Variants in GSG1L observed in about 807,000 individuals in gnomAD.
GSG1L encodes the protein GSG1 like, also known as germ cell-specific gene 1-like protein.
A neutral mutation model predicts 42.1 loss-of-function variants in GSG1L; 24 were observed. That is an observed-to-expected ratio of 0.57 (90% confidence interval 0.41 to 0.80). The LOEUF is 0.80. GSG1L is among the 30% of genes least tolerant of loss of function. The pLI is 0.00. For missense variants in GSG1L, 445 were observed against 472.2 expected (o/e 0.94, Z 0.53); for synonymous variants, 215 against 203.5 (o/e 1.06, Z -0.48).
Position 27,989,063 on chromosome 16 carries a change from A to G in GSG1L, c.350-25860T>C, listed in dbSNP as rs186392183. Among the ~76,000 whole-genome samples the G allele has an allele frequency of 1.0e-3, 154 of 151,796 alleles. 2 individuals carry two copies. In the East Asian group the frequency reaches 0.028, roughly 27 times the overall value. On this transcript the variant is annotated intron_variant, in intron 1 of 6. Coordinates refer to ENST00000447459, the MANE Select transcript of GSG1L (RefSeq NM_001109763.2). ...GCAAGACTCTGTCTCAAAAAAAAAA[A>G]AAAAGAAAAGAAAAAAAGAAAAAGA...
At chr16:27,900,451 C>T (rs1048997551) in intron 2 of GSG1L, among the ~76,000 whole-genome samples, 1 of 152,190 alleles carries the variant, frequency 6.6e-6, no homozygotes, top group Non-Finnish European at 1.5e-5. Context: ...CAGCCCAGCT[C>T]CCATGGCACG....
chr16:27,833,097 T>G lies in GSG1L; in HGVS notation c.663-4141A>C, dbSNP rs140366996. Among the ~76,000 whole-genome samples, 491 of 152,366 alleles carry G rather than the reference T, an allele frequency of 3.2e-3. 1 individual carries two copies. The highest frequency in any genetic ancestry group is 5.2e-3 in the Non-Finnish European group (354 of 68,032). On this transcript the variant is annotated intron_variant, in intron 4 of 6. Transcript: ENST00000447459. Reference sequence around the variant, plus strand: ...GTTTTACAGTTTTACATTTTATACTTAAATCTGTGATCCATTTTAAATTAA... The same window carrying G: ...GTTTTACAGTTTTACATTTTATACTGAAATCTGTGATCCATTTTAAATTAA...
chr16:27,828,061 T>C (rs1033262431), intron 5 of GSG1L, among the ~76,000 whole-genome samples: 14 of 145,994 alleles, frequency 9.6e-5, no homozygotes, highest in Admixed American at 6.7e-5. Context: ...CATCCATCCA[T>C]CCATCCATCC....
intron 4 of GSG1L, among the ~76,000 whole-genome samples, chr16:27,843,890 AG>A (rs1186986159): frequency 6.6e-6 from 1 of 152,194 alleles, no homozygotes; most frequent in Non-Finnish European, 1.5e-5. Flanking sequence ...TTGGGACTCT[AG>A]TCAATCTTGG....
chr16:27,932,517 AGGAGATGCCACACAACC>A (rs1006990722), intron 2 of GSG1L, among the ~76,000 whole-genome samples: 1 of 152,188 alleles, frequency 6.6e-6, no homozygotes, highest in East Asian at 1.9e-4. Context: ...AGAGAAAGGT[AGGAGATGCCACACAACC>A]GGATCTCACT....
At chr16:27,927,404 C>T (rs143928321) in intron 2 of GSG1L, among the ~76,000 whole-genome samples, 4 of 152,206 alleles carry the variant, frequency 2.6e-5, no homozygotes, top group South Asian at 2.1e-4. Flanking sequence ...TGCCACCTCT[C>T]GCCGGAATCC....
In GSG1L at chr16:27,943,566, C is replaced by CTTTTTTTTTTTTTTTTTTTTT. The variant is rs11385465; in HGVS notation, c.397+19569_397+19589dup. ...GCTAACATTTTCTTTTTCTTTGTTT[C>CTTTTTTTTTTTTTTTTTTTTT]TTTTTTTTTTTTTTTTTTTTTTTTT... On this transcript the variant is annotated intron_variant, in intron 2 of 6. Transcript: ENST00000447459. Among the ~76,000 whole-genome samples the CTTTTTTTTTTTTTTTTTTTTT allele has an allele frequency of 7.4e-5, 5 of 67,720 alleles. 1 individual carries two copies. The highest frequency in any genetic ancestry group is 2.4e-4 in the Admixed American group (1 of 4,190). The allele number at this position is 67,720 out of a possible 152,430, so 44.4% of individuals were successfully genotyped here.
intron 4 of GSG1L, among the ~76,000 whole-genome samples, chr16:27,835,342 C>A (rs2083311906): frequency 6.6e-6 from 1 of 152,110 alleles, no homozygotes; most frequent in South Asian, 2.1e-4. Context: ...TTAATGCTTA[C>A]ATGATAGATG....
chr16:27,951,509 G>A (rs1260930149), intron 2 of GSG1L, among the ~76,000 whole-genome samples: 1 of 152,196 alleles, frequency 6.6e-6, no homozygotes, highest in African/African-American at 2.4e-5. Context: ...GGATGAAGGA[G>A]GGCTTTGTGG....
chr16:27,810,277 G>C (rs536645758), intron 5 of GSG1L, among the ~76,000 whole-genome samples: 1 of 152,070 alleles, frequency 6.6e-6, no homozygotes, highest in Non-Finnish European at 1.5e-5. Context: ...CCAGGAGTTC[G>C]AGACCAGCCT....
intron 2 of GSG1L, among the ~76,000 whole-genome samples, chr16:27,939,828 A>AT (rs917614393): frequency 1.3e-5 from 2 of 151,906 alleles, no homozygotes; most frequent in South Asian, 2.1e-4. Flanking sequence ...TGCCAGGCTA[A>AT]TTTTTTTTAT....
At chr16:27,896,161 A>T (rs1038690573) in intron 2 of GSG1L, among the ~76,000 whole-genome samples, 3 of 152,294 alleles carry the variant, frequency 2.0e-5, no homozygotes, top group Non-Finnish European at 4.4e-5. Context: ...GGCATGCTGG[A>T]GGCGTGCGGG....
At chr16:27,856,178 C>T (rs1276895059) in intron 3 of GSG1L, among the ~76,000 whole-genome samples, 2 of 152,086 alleles carry the variant, frequency 1.3e-5, no homozygotes, top group Non-Finnish European at 2.9e-5. Context: ...TCCCCACATA[C>T]CCCAGTCATA....
At chr16:28,002,519 G>A (rs758251938) in intron 1 of GSG1L, among the ~76,000 whole-genome samples, 18 of 152,184 alleles carry the variant, frequency 1.2e-4, no homozygotes, top group Non-Finnish European at 2.4e-4. Flanking sequence ...TACTCAGGAG[G>A]CTAAGGCAGG....
chr16:27,889,304 G>A (rs1043556072), intron 2 of GSG1L, among the ~76,000 whole-genome samples: 1 of 152,106 alleles, frequency 6.6e-6, no homozygotes, highest in Non-Finnish European at 1.5e-5. Flanking sequence ...CAGCTAGATT[G>A]CTAGATTTAT....
At chr16:27,961,408 G>C (rs1195144733) in intron 2 of GSG1L, among the ~76,000 whole-genome samples, 1 of 152,218 alleles carries the variant, frequency 6.6e-6, no homozygotes, top group African/African-American at 2.4e-5. Flanking sequence ...ATCCCAGAGG[G>C]CTGCACATCC....
At chr16:28,017,959 T>C (rs2085798355) in intron 1 of GSG1L, among the ~76,000 whole-genome samples, 1 of 152,212 alleles carries the variant, frequency 6.6e-6, no homozygotes, top group Non-Finnish European at 1.5e-5. Flanking sequence ...GGTGAGTACA[T>C]GGGTATTTTA....
At chr16:27,940,688 C>T (rs2084781530) in intron 2 of GSG1L, among the ~76,000 whole-genome samples, 1 of 98,372 alleles carries the variant, frequency 1.0e-5, no homozygotes, top group Non-Finnish European at 2.2e-5. Flanking sequence ...GAACATCACA[C>T]TCTGGGGACT....
intron 2 of GSG1L, among the ~76,000 whole-genome samples, chr16:27,930,221 A>G (rs906631337): frequency 6.6e-6 from 1 of 152,018 alleles, no homozygotes; most frequent in African/African-American, 2.4e-5. Flanking sequence ...AGAAACCACA[A>G]TAGTTTTACA....
Sources: allele counts gnomAD v4.1 joint callset (sites outside exome capture counted in the v4.1 genomes callset), GRCh38; gene constraint gnomAD v4.1.1; transcripts MANE v1.5; gene names NCBI Gene and HGNC (gene_info 2026-07-23, HGNC 2026-07-21).